The following ZNF185 variants were observed in gnomAD, a reference collection of about 807,000 sequenced individuals.
The protein encoded by ZNF185 is zinc finger protein 185.
A neutral mutation model predicts 58.6 loss-of-function variants in ZNF185; 56 were observed. The observed-to-expected ratio is 0.95, with a 90% CI of 0.77 to 1.19. ZNF185 has a LOEUF of 1.19. Among genes scored for constraint, ZNF185 ranks in the 50% most tolerant of loss-of-function variants. The pLI, the probability that ZNF185 is intolerant of heterozygous loss-of-function variation, is 0.00. For synonymous variants in ZNF185, 230 were observed against 215.9 expected (o/e 1.07, Z -0.57); for missense variants, 627 against 573.5 (o/e 1.09, Z -0.95).
intron 11 of ZNF185, among the ~76,000 whole-genome samples, 173 bp downstream of exon 12, chrX:152,922,982 T>C (rs782273590): frequency 8.9e-6 from 1 of 112,265 alleles, no homozygotes. Flanking sequence ...TGATTTCTGA[T>C]CCCTGAGAAT....
chrX:152,967,791 C>T (rs1329495721), intron 20 of ZNF185, among the ~76,000 whole-genome samples: 1 of 111,749 alleles, frequency 8.9e-6, no homozygotes, highest in Non-Finnish European at 1.9e-5. Flanking sequence ...GTCTTAATGA[C>T]AAAGAAATCT....
At chrX:152,936,377 C>G (rs1225630861) in intron 14 of ZNF185, 41 bp from the exon 16 acceptor site, 9 of 1,119,241 alleles carry the variant, frequency 8.0e-6, no homozygotes, top group Non-Finnish European at 9.6e-6. Context: ...CATACAGACA[C>G]AAAGTCCTGA....
chrX:152,950,950 C>T (rs782224668), intron 16 of ZNF185, among the ~76,000 whole-genome samples: 1 of 111,922 alleles, frequency 8.9e-6, no homozygotes, highest in South Asian at 3.7e-4. Flanking sequence ...TAACTAAGGA[C>T]ATAATAAACT....
At chrX:152,947,602 A>G (rs2047913067) in intron 16 of ZNF185, among the ~76,000 whole-genome samples, 1 of 112,195 alleles carries the variant, frequency 8.9e-6, no homozygotes, top group East Asian at 2.8e-4. Flanking sequence ...AGTGATGTCC[A>G]GTAGGCTACT....
intron 13 of ZNF185, among the ~76,000 whole-genome samples, chrX:152,932,566 C>G (rs530790949): frequency 8.9e-6 from 1 of 112,227 alleles, no homozygotes; most frequent in South Asian, 3.7e-4. Context: ...AGGAATCCCT[C>G]TATGGCTTAT....
intron 3 of ZNF185, among the ~76,000 whole-genome samples, chrX:152,915,920 G>A (rs782283566): frequency 1.8e-5 from 2 of 111,895 alleles, no homozygotes; most frequent in South Asian, 7.5e-4. Context: ...GCCTCTGGAA[G>A]GGAGGGCCTC....
intron 11 of ZNF185, among the ~76,000 whole-genome samples, chrX:152,923,821 T>A (rs1305975075): frequency 8.9e-6 from 1 of 111,884 alleles, no homozygotes; most frequent in Admixed American, 9.5e-5. Context: ...GCAGCCTGAT[T>A]CCCAGCAGAC....
chrX:152,945,959 A>G (rs1302679519), intron 16 of ZNF185, among the ~76,000 whole-genome samples: 3 of 112,264 alleles, frequency 2.7e-5, no homozygotes, highest in Admixed American at 9.4e-5. Flanking sequence ...TGAGAGAGTG[A>G]CACAGGATGT....
intron 14 of ZNF185, among the ~76,000 whole-genome samples, chrX:152,935,385 G>A (rs1232967943): frequency 3.7e-5 from 4 of 108,960 alleles, no homozygotes; most frequent in Non-Finnish European, 5.7e-5. Flanking sequence ...ACAGGCGCCC[G>A]CCACCACGCC....
chrX:152,947,867 A>G (rs1171239448), intron 16 of ZNF185, among the ~76,000 whole-genome samples: 1 of 111,900 alleles, frequency 8.9e-6, no homozygotes, highest in Non-Finnish European at 1.9e-5. Context: ...ATCAGCTGAC[A>G]TTTCTCTCCA....
chrX:152,959,258 C>T (rs1303265465), intron 16 of ZNF185, among the ~76,000 whole-genome samples: 2 of 111,655 alleles, frequency 1.8e-5, no homozygotes, highest in African/African-American at 3.3e-5. Flanking sequence ...GGGAGAAGCT[C>T]CTCCCTAGAC....
chrX:152,951,537 C>T (rs2048315299), intron 16 of ZNF185, among the ~76,000 whole-genome samples: 1 of 110,739 alleles, frequency 9.0e-6, no homozygotes, highest in South Asian at 3.7e-4. Flanking sequence ...TTTCCCTTTG[C>T]CATTTTTGCC....
rs909387297 is a variant in ZNF185, at chrX:152,950,547, A to G, written c.1409+5083A>G. Among the ~76,000 whole-genome samples the G allele has an allele frequency of 3.6e-5, 4 of 111,716 alleles. No individual in the cohort carries two copies. In the East Asian group the frequency reaches 1.1e-3, roughly 31 times the overall value. On this transcript the variant is annotated intron_variant, in intron 16 of 22. Coordinates refer to ENST00000449285, the Ensembl canonical transcript of ZNF185. Reference sequence around the variant, plus strand: ...TTATATTAAGGACATTTTACCCATTATAGACTAATTTAGGGAAGGTTCTGC... The same window carrying G: ...TTATATTAAGGACATTTTACCCATTGTAGACTAATTTAGGGAAGGTTCTGC...
At chrX:152,916,419 G>A (rs782761404) in intron 3 of ZNF185, among the ~76,000 whole-genome samples, 5 of 111,688 alleles carry the variant, frequency 4.5e-5, no homozygotes, top group South Asian at 7.6e-4. Context: ...CTGCCCGCTC[G>A]TCTTGGCTGC....
At chrX:152,901,043 G>C in the ZNF185 span, among the ~76,000 whole-genome samples, 5 of 112,100 alleles carry the variant, frequency 4.5e-5, no homozygotes, top group South Asian at 1.8e-3. Context: ...GTGGCAAGGA[G>C]TGAAGTGGGA....
At chrX:152,907,775 G>T in the ZNF185 span, among the ~76,000 whole-genome samples, 3 of 112,901 alleles carry the variant, frequency 2.7e-5, no homozygotes, top group Admixed American at 9.3e-5. Context: ...GGCTTCGGGG[G>T]TGCACCACGA....
intron 14 of ZNF185, among the ~76,000 whole-genome samples, chrX:152,935,609 C>G (rs782244389): frequency 9.2e-4 from 104 of 112,455 alleles, no homozygotes; most frequent in Non-Finnish European, 1.6e-3. Flanking sequence ...CATGGATTTA[C>G]TTAATCATCG....
chrX:152,903,711 C>T, the ZNF185 span, among the ~76,000 whole-genome samples: 1 of 111,744 alleles, frequency 8.9e-6, no homozygotes, highest in South Asian at 3.8e-4. Flanking sequence ...CCAAGCCAGC[C>T]CTGAAATGGC....
exon 15 of ZNF185, chrX:152,938,106 C>A (rs199681029): frequency 6.3e-5 from 74 of 1,183,300 alleles, no homozygotes; most frequent in Non-Finnish European, 8.3e-5. Flanking sequence ...GCTGTCCCTG[C>A]TGATAGGAAG....
Sources: gnomAD v4.1 joint callset for allele counts (sites outside exome capture counted in the v4.1 genomes callset) on GRCh38, gnomAD v4.1.1 for gene constraint, MANE v1.5 for transcripts, NCBI Gene and HGNC (gene_info 2026-07-23, HGNC 2026-07-21) for gene names.